Variants in CHCHD6 observed in about 807,000 individuals in gnomAD.
The protein encoded by CHCHD6 is coiled-coil-helix-coiled-coil-helix domain containing 6, also known as MICOS complex subunit MIC25.
Under a neutral mutation model 32.3 loss-of-function variants are expected in CHCHD6, and 28 were observed. That is an observed-to-expected ratio of 0.87 (90% CI 0.64 to 1.19). CHCHD6 has a LOEUF of 1.19. CHCHD6 is among the 50% of genes most tolerant of loss of function. CHCHD6 has a pLI of 0.00. For missense variants in CHCHD6, 333 were observed against 307.0 expected, an observed-to-expected ratio of 1.08 and a Z score of -0.63; for synonymous variants, 122 against 117.5, an observed-to-expected ratio of 1.04 and a Z score of -0.25.
chr3:126,709,291 C>T (rs1934644131), intron 1 of CHCHD6, among the ~76,000 whole-genome samples: 1 of 152,126 alleles, frequency 6.6e-6, no homozygotes, highest in Non-Finnish European at 1.5e-5. Flanking sequence ...TCATTGATGT[C>T]GTAGTATATA....
In CHCHD6 at chr3:126,936,298, T is replaced by C. The variant is rs990827002; in HGVS notation, c.567-21118T>C. On this transcript the variant is annotated intron_variant, in intron 6 of 7. Transcript: ENST00000290913. Reference sequence around the variant, plus strand: ...TTGCAGAGCGAAGGGGAGGATAATATGAGATCATGTTCATAGAATACGAGG... The same window carrying C: ...TTGCAGAGCGAAGGGGAGGATAATACGAGATCATGTTCATAGAATACGAGG... 6.6e-5 allele frequency among the ~76,000 whole-genome samples: 10 copies of C among 152,128 alleles called. No homozygotes were observed. In the East Asian group the frequency reaches 1.5e-3, roughly 24 times the overall value.
At chr3:126,873,425 A>G (rs1439833850) in intron 5 of CHCHD6, among the ~76,000 whole-genome samples, 1 of 152,220 alleles carries the variant, frequency 6.6e-6, no homozygotes, top group Admixed American at 6.5e-5. Flanking sequence ...TTGGCAGAGT[A>G]AGAGCTGAGG....
chr3:126,803,268 G>A (rs1939179012), intron 4 of CHCHD6, among the ~76,000 whole-genome samples: 1 of 152,102 alleles, frequency 6.6e-6, no homozygotes, highest in Non-Finnish European at 1.5e-5. Context: ...ACAGAGAGTG[G>A]CAAATTGGAT....
intron 5 of CHCHD6, among the ~76,000 whole-genome samples, chr3:126,913,575 T>A (rs182310629): frequency 1.3e-5 from 2 of 152,222 alleles, no homozygotes; most frequent in Admixed American, 6.5e-5. Context: ...CCAGGTGACA[T>A]CTGCTGTACC....
chr3:126,872,888 TCTC>T (rs1222684792), intron 5 of CHCHD6, among the ~76,000 whole-genome samples: 4 of 152,202 alleles, frequency 2.6e-5, no homozygotes, highest in Admixed American at 6.5e-5. Flanking sequence ...TCACCGCAAT[TCTC>T]CTCTGTTGTG....
At chr3:126,906,842 T>C (rs1312742757) in intron 5 of CHCHD6, among the ~76,000 whole-genome samples, 3 of 152,088 alleles carry the variant, frequency 2.0e-5, no homozygotes, top group Admixed American at 6.6e-5. Flanking sequence ...GAAAGCTAGG[T>C]AGGAGTTTTT....
At chr3:126,915,739 C>T (rs929647568) in intron 6 of CHCHD6, among the ~76,000 whole-genome samples, 3 of 152,180 alleles carry the variant, frequency 2.0e-5, no homozygotes, top group Admixed American at 6.5e-5. Flanking sequence ...GACAGACAAA[C>T]AGTCAGCATA....
intron 4 of CHCHD6, among the ~76,000 whole-genome samples, chr3:126,799,248 A>G (rs955342573): frequency 1.3e-5 from 2 of 152,204 alleles, no homozygotes; most frequent in Non-Finnish European, 2.9e-5. Context: ...CTCTAGCTGT[A>G]CTCAACAGAT....
intron 4 of CHCHD6, among the ~76,000 whole-genome samples, chr3:126,745,931 G>A (rs756527970): frequency 1.3e-5 from 2 of 152,136 alleles, no homozygotes; most frequent in Non-Finnish European, 2.9e-5. Context: ...TGCCCACTTG[G>A]GTGTGTTCTT....
intron 4 of CHCHD6, among the ~76,000 whole-genome samples, chr3:126,741,847 G>A (rs1026035918): frequency 6.6e-6 from 1 of 152,144 alleles, no homozygotes; most frequent in Non-Finnish European, 1.5e-5. Flanking sequence ...TTCCTGCCAG[G>A]GATGTGGCTC....
chr3:126,754,827 G>A (rs1936884863), intron 4 of CHCHD6, among the ~76,000 whole-genome samples: 1 of 152,208 alleles, frequency 6.6e-6, no homozygotes, highest in African/African-American at 2.4e-5. Flanking sequence ...GAAATGGTAG[G>A]CACCTTTGGT....
intron 6 of CHCHD6, among the ~76,000 whole-genome samples, chr3:126,931,372 G>A (rs2078402997): frequency 6.6e-6 from 1 of 152,208 alleles, no homozygotes; most frequent in African/African-American, 2.4e-5. Flanking sequence ...GCACAGGCTG[G>A]TGGGATGTGC....
chr3:126,817,214 G>A (rs1362919484), intron 4 of CHCHD6, among the ~76,000 whole-genome samples: 1 of 152,128 alleles, frequency 6.6e-6, no homozygotes, highest in Non-Finnish European at 1.5e-5. Flanking sequence ...GAATGTTCTT[G>A]CCTGTCTCTT....
rs141154266 is a variant in CHCHD6, at chr3:126,720,195, A to G, written c.88-6883A>G. On this transcript the variant is annotated intron_variant, in intron 1 of 7. Coordinates refer to ENST00000290913, the MANE Select transcript of CHCHD6 (RefSeq NM_032343.3). ...CTGCACCCAGCCAAGAGTCTTTTGC[A>G]TGACAGGGCCTGGTCTTCCTGGTCA... Among the ~76,000 whole-genome samples the G allele has an allele frequency of 4.4e-3, 670 of 152,252 alleles. 6 individuals carry two copies. Among genetic ancestry groups the G allele is most frequent in the African/African-American group, 0.015 (637 of 41,552 alleles).
intron 1 of CHCHD6, among the ~76,000 whole-genome samples, chr3:126,705,281 G>T (rs562858930): frequency 6.1e-4 from 93 of 152,290 alleles, no homozygotes; most frequent in Non-Finnish European, 7.4e-5. Context: ...TTGTTTACTT[G>T]TTTATTGCGT....
intron 4 of CHCHD6, among the ~76,000 whole-genome samples, chr3:126,850,833 C>T (rs1029451866): frequency 1.3e-5 from 2 of 152,256 alleles, no homozygotes; most frequent in Admixed American, 6.5e-5. Flanking sequence ...GCAGATTAGC[C>T]GTGCTTGCAT....
Position 126,704,398 on chromosome 3 carries a change from G to T in CHCHD6, c.86G>T (p.Arg29Leu). The T allele has an allele frequency of 6.5e-7, 1 of 1,532,494 alleles. No homozygotes were observed. Among genetic ancestry groups the T allele is most frequent in the Non-Finnish European group, 8.8e-7 (1 of 1,141,240 alleles). The allele number at this position is 1,532,494 out of a possible 1,614,324, so 94.9% of individuals were successfully genotyped here. ...CGGGTCCGGGTGCTGCAGGGTGTCC[G>T]GGTGAGCGGCGCCGCCTGGGCCGGG... ...EERVRVLQGV[R>L]LSENVVNRMK... Residue 29 changes from arginine (R) to leucine (L), a missense_variant and splice_region_variant, in exon 1 of 8, where the codon CGG becomes CTG. By Grantham distance (102) the Arg-to-Leu change is moderately radical. Transcript: ENST00000290913.
intron 5 of CHCHD6, among the ~76,000 whole-genome samples, chr3:126,873,873 C>T (rs1189103010): frequency 6.6e-6 from 1 of 152,232 alleles, no homozygotes; most frequent in African/African-American, 2.4e-5. Context: ...ATGTAGCTTG[C>T]TCAAGGCCAC....
chr3:126,773,786 A>G (rs1352979880), intron 4 of CHCHD6, among the ~76,000 whole-genome samples: 1 of 151,506 alleles, frequency 6.6e-6, no homozygotes, highest in Non-Finnish European at 1.5e-5. Context: ...TTTGTATTTT[A>G]GTAGAGATGG....
Sources: allele counts gnomAD v4.1 joint callset (sites outside exome capture counted in the v4.1 genomes callset), GRCh38; gene constraint gnomAD v4.1.1; transcripts MANE v1.5; gene names NCBI Gene and HGNC (gene_info 2026-07-23, HGNC 2026-07-21).